ALS2: variants seen among roughly 807,000 people sequenced by gnomAD.
The protein encoded by ALS2 is alsin.
ALS2 carries 117 observed loss-of-function variants against 203.4 expected under a neutral mutation model. That is an observed-to-expected ratio of 0.58 (90% CI 0.50 to 0.67). The LOEUF (loss-of-function observed/expected upper bound fraction) is 0.67, where lower values mean the gene tolerates loss of function less well. Among genes scored for constraint, ALS2 ranks in the 30% least tolerant of loss-of-function variants. The pLI is 0.00. For missense variants in ALS2, 1,715 were observed against 1,989.4 expected (o/e 0.86, Z 2.62); for synonymous variants, 718 against 725.9 (o/e 0.99, Z 0.17).
At position 201,727,204 on chromosome 2, in the gene ALS2, A is replaced by G. The variant is rs373602123; in HGVS notation, c.2979+8T>C. Reference sequence around the variant, plus strand: ...GAAGATTGAAGGAAAATACCATAATAGACTAACCTTTTCCTGGGGTGTAGA... The same window carrying G: ...GAAGATTGAAGGAAAATACCATAATGGACTAACCTTTTCCTGGGGTGTAGA... On this transcript the variant is annotated splice_region_variant and intron_variant, in intron 17 of 33. Coordinates refer to ENST00000264276, the MANE Select transcript of ALS2 (RefSeq NM_020919.4). 434 of 1,608,492 alleles carry G rather than the reference A, an allele frequency of 2.7e-4. 1 individual carries two copies. Among genetic ancestry groups the G allele is most frequent in the Non-Finnish European group, 3.5e-4 (409 of 1,174,956 alleles).
At chr2:201,747,639 C>T (rs888729377) in intron 8 of ALS2, among the ~76,000 whole-genome samples, 11 of 152,114 alleles carry the variant, frequency 7.2e-5, no homozygotes, top group South Asian at 6.2e-4. Flanking sequence ...TTAGTAGAGA[C>T]GGGGTTTCAC....
intron 10 of ALS2, 59 bp downstream of exon 10, chr2:201,744,199 A>G: frequency 4.6e-6 from 7 of 1,531,860 alleles, no homozygotes; most frequent in Non-Finnish European, 6.3e-6. Flanking sequence ...TTTGTGACAT[A>G]GGAAGAAGAG....
chr2:201,740,079 C>G (rs1192861387), intron 11 of ALS2, among the ~76,000 whole-genome samples: 1 of 152,128 alleles, frequency 6.6e-6, no homozygotes, highest in East Asian at 1.9e-4. Flanking sequence ...AATCCTAGCA[C>G]TTTTGCAGGC....
intron 29 of ALS2, among the ~76,000 whole-genome samples, 180 bp from the exon 30 acceptor site, chr2:201,705,641 G>A (rs992023624): frequency 5.9e-5 from 9 of 151,954 alleles, no homozygotes; most frequent in Admixed American, 4.6e-4. Context: ...TCTCCCTAAG[G>A]GATTTGTCAT....
At chr2:201,703,989 CA>C (rs1381719702) in intron 33 of ALS2, 132 bp downstream of exon 33, 1 of 746,732 alleles carries the variant, frequency 1.3e-6, no homozygotes, top group Non-Finnish European at 2.3e-6. Flanking sequence ...AAGTGTAGAA[CA>C]AAATGTGCTC....
chr2:201,741,583 T>C (rs1446186539), intron 11 of ALS2, 91 bp downstream of exon 11: 1 of 1,312,464 alleles, frequency 7.6e-7, no homozygotes, highest in Non-Finnish European at 1.1e-6. Flanking sequence ...TATATCACTC[T>C]CCCTAATCTA....
In ALS2 at chr2:201,718,312, T is replaced by G. The variant is rs970047763; in HGVS notation, c.3703-102A>C. On this transcript the variant is annotated intron_variant, in intron 23 of 33. Transcript: ENST00000264276. The stretch of plus-strand genomic sequence containing the variant: ...TCTCACTCTGTTGCCCAGGCTGGAG[T>G]GCAGTGATGCGATCTTGGCTCACTG... 4.6e-6 allele frequency: 6 copies of G among 1,305,192 alleles called. No individual in the cohort carries two copies. In the African/African-American group the frequency reaches 5.9e-5, roughly 13 times the overall value. The allele number at this position is 1,305,192 out of a possible 1,614,324, so 80.9% of individuals were successfully genotyped here.
chr2:201,767,175 T>C (rs1348658052), intron 3 of ALS2, 54 bp downstream of exon 3: 1 of 1,610,662 alleles, frequency 6.2e-7, no homozygotes, highest in Non-Finnish European at 8.5e-7. Context: ...CCTTCCACAC[T>C]CAGGCATTTG....
At chr2:201,738,598 TCG>T (rs1232472273) in intron 12 of ALS2, 70 bp downstream of exon 12, 2 of 1,443,306 alleles carry the variant, frequency 1.4e-6, no homozygotes, top group Non-Finnish European at 2.0e-6. Flanking sequence ...CCCTGAGCAC[TCG>T]AAAACAGAGC....
In ALS2 at chr2:201,741,753, T is replaced by C. The variant is rs763439115; in HGVS notation, c.2272A>G (p.Ser758Gly). The C allele has an allele frequency of 4.3e-6, 7 of 1,614,058 alleles. No homozygotes were observed. Among genetic ancestry groups the C allele is most frequent in the Admixed American group, 3.3e-5 (2 of 59,994 alleles). The change falls in exon 11 of 34, where the codon AGC (serine) becomes GGC (glycine). Residue 758 changes from serine to glycine, a missense_variant. Physicochemically the swap from Ser to Gly is moderately conservative, Grantham distance 56 (BLOSUM62 0). This residue lies in a region of ALS2 where 1,227 missense variants were observed against 1,413.5 expected (regional missense o/e 0.87). Coordinates refer to ENST00000264276, the MANE Select transcript of ALS2 (RefSeq NM_020919.4). ...LIGQHGASLSSFLHGVKEARS... is the reference protein window; with the variant it reads ...LIGQHGASLSGFLHGVKEARS... The stretch of plus-strand genomic sequence containing the variant: ...GCTTCCTTTACCCCATGAAGGAAGC[T>C]GCTCAATGAGGCTCCATGCTGACCA...
chr2:201,756,960 A>G (rs1351829591), intron 5 of ALS2, among the ~76,000 whole-genome samples: 1 of 152,232 alleles, frequency 6.6e-6, no homozygotes, highest in Admixed American at 6.5e-5. Flanking sequence ...AACCAACTGC[A>G]TAATATTCTA....
chr2:201,713,133 C>CTTTTTT (rs35807671), intron 25 of ALS2, among the ~76,000 whole-genome samples: 997 of 95,148 alleles, frequency 0.01, 1 homozygote, highest in Non-Finnish European at 0.014. Context: ...CTTTTCTTTT[C>CTTTTTT]TTTTTTTTTT....
intron 13 of ALS2, among the ~76,000 whole-genome samples, chr2:201,732,734 A>G (rs1444565822): frequency 6.6e-6 from 1 of 152,214 alleles, no homozygotes; most frequent in East Asian, 1.9e-4. Flanking sequence ...TCTATATCCT[A>G]GTGTGGTGCT....
chr2:201,768,740 C>T, intron 2 of ALS2, 126 bp downstream of exon 2: 1 of 917,046 alleles, frequency 1.1e-6, no homozygotes, highest in Non-Finnish European at 1.7e-6. Context: ...GAACTAACTA[C>T]AAATGTCACT....
At chr2:201,754,014 C>CTT (rs554050978) in intron 6 of ALS2, among the ~76,000 whole-genome samples, 16 of 143,256 alleles carry the variant, frequency 1.1e-4, no homozygotes, top group African/African-American at 3.3e-4. Context: ...TTTTCTTTTC[C>CTT]TTTTTTTTTT....
At chr2:201,754,456 T>G in intron 6 of ALS2, 47 bp downstream of exon 6, 1 of 1,612,410 alleles carries the variant, frequency 6.2e-7, no homozygotes, top group Non-Finnish European at 8.5e-7. Flanking sequence ...AGGAGAGAGA[T>G]TATTTGTTTA....
At chr2:201,732,956 C>T (rs1691665651) in intron 13 of ALS2, among the ~76,000 whole-genome samples, 1 of 152,324 alleles carries the variant, frequency 6.6e-6, no homozygotes, top group South Asian at 2.1e-4. Context: ...CTGTTTAACT[C>T]ATAGTCAGCA....
chr2:201,713,133 C>CTTTTTTTTTTTTTTTTTT (rs35807671), intron 25 of ALS2, among the ~76,000 whole-genome samples: 1 of 96,256 alleles, frequency 1.0e-5, no homozygotes, highest in Non-Finnish European at 2.1e-5. Context: ...CTTTTCTTTT[C>CTTTTTTTTTTTTTTTTTT]TTTTTTTTTT....
At chr2:201,756,512 G>C (rs1280195721) in intron 5 of ALS2, among the ~76,000 whole-genome samples, 1 of 109,022 alleles carries the variant, frequency 9.2e-6, no homozygotes, top group Non-Finnish European at 1.8e-5. Flanking sequence ...ATGTAAACCA[G>C]GAGTTGGTCA....
Sources: gnomAD v4.1 joint callset for allele counts (sites outside exome capture counted in the v4.1 genomes callset) on GRCh38, gnomAD v4.1.1 for gene constraint, gnomAD v4.1.1 regional missense constraint, MANE v1.5 for transcripts, NCBI Gene and HGNC (gene_info 2026-07-23, HGNC 2026-07-21) for gene names.